MAP4K4: variants seen among roughly 807,000 people sequenced by gnomAD.
The protein encoded by MAP4K4 is HPK/GCK-like kinase HGK.
MAP4K4 carries 38 observed loss-of-function variants against 189.6 expected under a neutral mutation model. That is an observed-to-expected ratio of 0.20 (90% CI 0.15 to 0.26). The LOEUF is 0.26. Ranked by LOEUF, MAP4K4 falls within the 10% of genes least tolerant of loss-of-function variation. The pLI is 1.00. For synonymous variants in MAP4K4, 610 were observed against 624.3 expected, an observed-to-expected ratio of 0.98 and a Z score of 0.34; for missense variants, 1,054 against 1,726.9, an observed-to-expected ratio of 0.61 and a Z score of 6.91.
Position 101,872,443 on chromosome 2 carries a change from C to T in MAP4K4, c.2952+758C>T, listed in dbSNP as rs2098069033. On this transcript the variant is annotated intron_variant, in intron 24 of 32. Transcript: ENST00000324219. Reference sequence around the variant, plus strand: ...TTAGCTCAGTCTGGGTGATTCTTTGCTCTTTGAACAGGGTTATACTCCAGG... The same window carrying T: ...TTAGCTCAGTCTGGGTGATTCTTTGTTCTTTGAACAGGGTTATACTCCAGG... Among the ~76,000 whole-genome samples, 3 of 152,102 alleles carry T rather than the reference C, an allele frequency of 2.0e-5. No individual in the cohort carries two copies. In the South Asian group the frequency reaches 6.2e-4, roughly 31 times the overall value.
chr2:101,720,043 A>G (rs1219887211), intron 2 of MAP4K4, among the ~76,000 whole-genome samples: 2 of 152,012 alleles, frequency 1.3e-5, no homozygotes, highest in Non-Finnish European at 2.9e-5. Flanking sequence ...AGAACAGTGG[A>G]TGGAAGGTAG....
At chr2:101,866,374 G>A (rs1452200950) in intron 18 of MAP4K4, 54 bp from the exon 19 acceptor site, 7 of 1,550,432 alleles carry the variant, frequency 4.5e-6, no homozygotes, top group South Asian at 2.3e-5. Context: ...TGGTAATTTG[G>A]TGCTGCATCT....
chr2:101,869,145 C>T (rs1404494868), intron 21 of MAP4K4, among the ~76,000 whole-genome samples: 1 of 151,482 alleles, frequency 6.6e-6, no homozygotes, highest in Non-Finnish European at 1.5e-5. Flanking sequence ...AATATTAAAC[C>T]TTAGCGCTTT....
chr2:101,807,891 A>G (rs187139434), intron 3 of MAP4K4, among the ~76,000 whole-genome samples: 8 of 152,356 alleles, frequency 5.3e-5, no homozygotes, highest in Admixed American at 2.6e-4. Context: ...CAAGGGCGGT[A>G]TCAAGAGAGG....
chr2:101,742,703 G>A (rs1243063845), intron 2 of MAP4K4, among the ~76,000 whole-genome samples: 2 of 152,160 alleles, frequency 1.3e-5, no homozygotes, highest in Non-Finnish European at 2.9e-5. Flanking sequence ...TCTTTCTGCA[G>A]TAGTTTCATT....
chr2:101,725,212 T>G (rs1337321511), intron 2 of MAP4K4, among the ~76,000 whole-genome samples: 1 of 152,198 alleles, frequency 6.6e-6, no homozygotes, highest in Non-Finnish European at 1.5e-5. Flanking sequence ...GGTTTATACC[T>G]AGAATTTGCT....
chr2:101,756,041 C>T (rs1446943469), intron 2 of MAP4K4, among the ~76,000 whole-genome samples: 1 of 143,634 alleles, frequency 7.0e-6, no homozygotes, highest in Admixed American at 7.3e-5. Context: ...CCCAGGTTTA[C>T]ACCATTCTCC....
chr2:101,864,516 C>T (rs2097762951), intron 17 of MAP4K4, among the ~76,000 whole-genome samples: 1 of 152,132 alleles, frequency 6.6e-6, no homozygotes, highest in African/African-American at 2.4e-5. Flanking sequence ...ATTTATTTTT[C>T]CTCATTTGGA....
At chr2:101,729,007 GATGTA>G (rs888600867) in intron 2 of MAP4K4, among the ~76,000 whole-genome samples, 2 of 151,854 alleles carry the variant, frequency 1.3e-5, no homozygotes, top group Admixed American at 6.6e-5. Flanking sequence ...AAATTGTGAA[GATGTA>G]ATGAATGAAA....
At chr2:101,808,596 A>T (rs2095192166) in intron 3 of MAP4K4, among the ~76,000 whole-genome samples, 1 of 144,218 alleles carries the variant, frequency 6.9e-6, no homozygotes. Context: ...TATGATTTAT[A>T]AATTACAGCT....
chr2:101,718,496 G>C (rs1359860047), intron 2 of MAP4K4, among the ~76,000 whole-genome samples: 1 of 150,280 alleles, frequency 6.7e-6, no homozygotes, highest in Non-Finnish European at 1.5e-5. Context: ...AGGTTTGGTT[G>C]GTAGGTAAGA....
intron 2 of MAP4K4, among the ~76,000 whole-genome samples, chr2:101,735,288 C>G (rs1056605948): frequency 5.3e-5 from 8 of 152,084 alleles, no homozygotes; most frequent in African/African-American, 1.7e-4. Context: ...AAATGGTCAC[C>G]TACAGTAAAC....
chr2:101,830,703 G>C (rs1225998311), intron 6 of MAP4K4, among the ~76,000 whole-genome samples: 1 of 152,190 alleles, frequency 6.6e-6, no homozygotes, highest in African/African-American at 2.4e-5. Flanking sequence ...ATGACTCAGT[G>C]AGTTGTGTGT....
At chr2:101,732,842 C>T (rs2059053141) in intron 2 of MAP4K4, among the ~76,000 whole-genome samples, 1 of 152,262 alleles carries the variant, frequency 6.6e-6, no homozygotes, top group African/African-American at 2.4e-5. Context: ...CTGCCTCGGC[C>T]TCCCGAAGTG....
intron 9 of MAP4K4, among the ~76,000 whole-genome samples, chr2:101,837,050 GTTC>G (rs902757592): frequency 1.4e-5 from 2 of 146,332 alleles, no homozygotes; most frequent in Admixed American, 6.8e-5. Context: ...TCCTTTTTGT[GTTC>G]TTCTTTCTGT....
intron 3 of MAP4K4, among the ~76,000 whole-genome samples, chr2:101,805,529 G>A (rs1465445490): frequency 6.6e-6 from 1 of 152,204 alleles, no homozygotes; most frequent in Non-Finnish European, 1.5e-5. Flanking sequence ...TACTGGTTAT[G>A]TGGCAGGTGC....
At chr2:101,884,185 G>C (rs1036338732) in intron 28 of MAP4K4, among the ~76,000 whole-genome samples, 1 of 152,060 alleles carries the variant, frequency 6.6e-6, no homozygotes, top group African/African-American at 2.4e-5. Flanking sequence ...TGTCATTATG[G>C]TTGCCACCAA....
At chr2:101,859,739 G>T in exon 15 of MAP4K4, 1 of 1,612,126 alleles carries the variant, frequency 6.2e-7, no homozygotes, top group East Asian at 2.2e-5. Context: ...TCTACAGCAT[G>T]ACCATAGGAG....
intron 26 of MAP4K4, among the ~76,000 whole-genome samples, chr2:101,874,584 G>T (rs759411848): frequency 7.2e-5 from 11 of 152,130 alleles, no homozygotes; most frequent in Non-Finnish European, 1.5e-4. Context: ...ACTCAATAGT[G>T]TACATTGTAC....
Sources: gnomAD v4.1 joint callset for allele counts (sites outside exome capture counted in the v4.1 genomes callset) on GRCh38, gnomAD v4.1.1 for gene constraint, MANE v1.5 for transcripts, NCBI Gene and HGNC (gene_info 2026-07-23, HGNC 2026-07-21) for gene names.